NUGGC: variants seen among roughly 807,000 people sequenced by gnomAD.
NUGGC encodes nuclear GTPase SLIP-GC.
Under a neutral mutation model 92.6 loss-of-function variants are expected in NUGGC, and 58 were observed. The ratio of observed to expected loss-of-function variants is 0.63; its 90% confidence interval spans 0.51 to 0.78. The LOEUF is 0.78. Ranked by LOEUF, NUGGC falls within the 30% of genes least tolerant of loss-of-function variation. The pLI is 0.00. For missense variants in NUGGC, 925 were observed against 964.6 expected (o/e 0.96, Z 0.54); for synonymous variants, 376 against 366.4 (o/e 1.03, Z -0.30).
Position 28,070,251 on chromosome 8 carries a change from C to T in NUGGC, c.148+1G>A. ...TAAAACAACAGTTCCAAGACACTCACATTCCTTAAGAGCACTCTGCTCCAT... is the reference window on the plus strand; with the variant it reads ...TAAAACAACAGTTCCAAGACACTCATATTCCTTAAGAGCACTCTGCTCCAT... On this transcript the variant is annotated splice_donor_variant, in intron 3 of 18. Transcript: ENST00000413272. LOFTEE classifies it high-confidence loss of function. 1 of 1,545,222 alleles carries T rather than the reference C, an allele frequency of 6.5e-7. No individual in the cohort carries two copies. The highest frequency in any genetic ancestry group is 8.8e-7 in the Non-Finnish European group (1 of 1,140,212).
chr8:28,052,181 G>A (rs1219361874), intron 10 of NUGGC, among the ~76,000 whole-genome samples: 1 of 152,156 alleles, frequency 6.6e-6, no homozygotes, highest in Non-Finnish European at 1.5e-5. Context: ...CTTAACTTCA[G>A]CTGATATGTG....
In NUGGC at chr8:28,032,545, A is replaced by G. The variant is rs552121321; in HGVS notation, c.1769+995T>C. ...ATCCTGGCTAACATGGTGAAACCCC[A>G]TCTCTACTAAAAAATACAAAAAATT... On this transcript the variant is annotated intron_variant, in intron 14 of 18. Transcript: ENST00000413272. 1.8e-4 allele frequency among the ~76,000 whole-genome samples: 28 copies of G among 151,838 alleles called. No individual in the cohort carries two copies. In the East Asian group the frequency reaches 4.9e-3, roughly 26 times the overall value.
chr8:28,076,207 T>C (rs139202848), intron 1 of NUGGC, among the ~76,000 whole-genome samples: 17 of 152,318 alleles, frequency 1.1e-4, no homozygotes, highest in African/African-American at 3.6e-4. Flanking sequence ...TAACTAAACG[T>C]TAGCTGAATG....
chr8:28,033,497 T>C lies in NUGGC; in HGVS notation c.1769+43A>G, dbSNP rs758518114. On this transcript the variant is annotated intron_variant, in intron 14 of 18. Transcript: ENST00000413272. ...TTCTTAAAGACTGGCTCCACATTCT[T>C]CCGATGTTTGTTCCCGAAGGTGCAA... The C allele has an allele frequency of 1.3e-5, 21 of 1,584,432 alleles. No individual in the cohort carries two copies. The South Asian group carries it at 1.6e-4, about 12-fold the overall frequency.
At chr8:28,040,644 TTTTGTTC>T (rs1328606048) in intron 13 of NUGGC, among the ~76,000 whole-genome samples, 13 of 152,092 alleles carry the variant, frequency 8.5e-5, no homozygotes, top group South Asian at 6.2e-4. Flanking sequence ...GTTTTTTGTT[TTTTGTTC>T]TTGTTTTTTT....
intron 13 of NUGGC, among the ~76,000 whole-genome samples, chr8:28,035,320 A>G (rs1190203651): frequency 6.6e-6 from 1 of 152,226 alleles, no homozygotes; most frequent in African/African-American, 2.4e-5. Flanking sequence ...CTTAAAAACA[A>G]ACAGTAAACG....
chr8:28,075,276 T>C (rs1172029024), intron 1 of NUGGC, among the ~76,000 whole-genome samples: 1 of 152,122 alleles, frequency 6.6e-6, no homozygotes, highest in Non-Finnish European at 1.5e-5. Flanking sequence ...AGGACACCCC[T>C]CCTGGGCTCT....
At chr8:28,050,401 G>A (rs925513592) in intron 10 of NUGGC, among the ~76,000 whole-genome samples, 2 of 151,744 alleles carry the variant, frequency 1.3e-5, no homozygotes, top group African/African-American at 2.4e-5. Context: ...AAGAAAAAAG[G>A]AAAGGAAAAG....
At chr8:28,052,744 T>C (rs1292135137) in intron 10 of NUGGC, among the ~76,000 whole-genome samples, 1 of 152,232 alleles carries the variant, frequency 6.6e-6, no homozygotes, top group African/African-American at 2.4e-5. Flanking sequence ...TGCACATGGG[T>C]GAACTTGGTC....
At chr8:28,059,276 GC>G (rs1239005292) in intron 8 of NUGGC, among the ~76,000 whole-genome samples, 5 of 152,094 alleles carry the variant, frequency 3.3e-5, no homozygotes, top group Non-Finnish European at 7.4e-5. Context: ...ATCCAGGAAA[GC>G]CCAGTTTATA....
intron 7 of NUGGC, 101 bp downstream of exon 7, chr8:28,064,421 A>T: frequency 2.0e-6 from 2 of 976,842 alleles, no homozygotes; most frequent in Non-Finnish European, 3.1e-6. Context: ...AATTCCAATG[A>T]ACTCAAAATC....
chr8:28,042,508 A>C (rs1159055301), intron 12 of NUGGC, among the ~76,000 whole-genome samples: 1 of 152,180 alleles, frequency 6.6e-6, no homozygotes, highest in Non-Finnish European at 1.5e-5. Flanking sequence ...CTTCGGAGAC[A>C]AAGCTCAAAG....
chr8:28,042,296 C>T (rs1284257894), intron 12 of NUGGC, among the ~76,000 whole-genome samples: 1 of 152,166 alleles, frequency 6.6e-6, no homozygotes, highest in African/African-American at 2.4e-5. Flanking sequence ...GTGGGCCCCA[C>T]AGTGCCTGCA....
At chr8:28,033,494 T>A in intron 14 of NUGGC, 46 bp downstream of exon 14, 1 of 1,575,684 alleles carries the variant, frequency 6.3e-7, no homozygotes, top group Non-Finnish European at 8.7e-7. Flanking sequence ...GGCTCCACAT[T>A]CTTCCGATGT....
At position 28,044,227 on chromosome 8, in the gene NUGGC, C is replaced by G. The variant is rs1585568089; in HGVS notation, c.1446+1300G>C. On this transcript the variant is annotated intron_variant, in intron 12 of 18. Coordinates refer to ENST00000413272, the MANE Select transcript of NUGGC (RefSeq NM_001010906.2). ...AGCCCTATTCATGTACTTCCTCTAC[C>G]CCTTCCCTGTTCCGGCATAACAAGA... Among the ~76,000 whole-genome samples the G allele has an allele frequency of 2.0e-5, 3 of 152,192 alleles. No homozygotes were observed. In the South Asian group the frequency reaches 6.2e-4, roughly 31 times the overall value.
intron 1 of NUGGC, among the ~76,000 whole-genome samples, chr8:28,076,206 G>A (rs1333112677): frequency 6.6e-6 from 1 of 152,182 alleles, no homozygotes; most frequent in African/African-American, 2.4e-5. Context: ...CTAACTAAAC[G>A]TTAGCTGAAT....
chr8:28,040,974 T>C (rs2130121379), intron 13 of NUGGC, 77 bp downstream of exon 13: 3 of 1,383,394 alleles, frequency 2.2e-6, no homozygotes, highest in African/African-American at 1.4e-5. Context: ...TTGAAGGGAA[T>C]GGGATGATGC....
At chr8:28,067,414 TCA>T in intron 6 of NUGGC, 98 bp downstream of exon 6, 1 of 747,284 alleles carries the variant, frequency 1.3e-6, no homozygotes, top group Non-Finnish European at 2.2e-6. Flanking sequence ...ATTTCTTATT[TCA>T]CACAAACACT....
At chr8:28,071,860 T>A (rs764777811) in intron 2 of NUGGC, among the ~76,000 whole-genome samples, 8 of 151,950 alleles carry the variant, frequency 5.3e-5, no homozygotes, top group Middle Eastern at 3.2e-3. Context: ...TCCCCAAGAA[T>A]CACAGGGAGG....
Sources: gnomAD v4.1 joint callset for allele counts (sites outside exome capture counted in the v4.1 genomes callset) on GRCh38, gnomAD v4.1.1 for gene constraint, MANE v1.5 for transcripts, NCBI Gene and HGNC (gene_info 2026-07-23, HGNC 2026-07-21) for gene names.